Variants in PTP4A1 observed in about 807,000 individuals in gnomAD.
PTP4A1 encodes the protein protein tyrosine phosphatase type IVA 1.
In PTP4A1, 9 loss-of-function variants were observed where a neutral mutation model predicts 20.5. The ratio of observed to expected loss-of-function variants is 0.44; its 90% CI spans 0.26 to 0.77. PTP4A1 has a LOEUF of 0.77. Ranked by LOEUF, PTP4A1 falls within the 30% of genes least tolerant of loss-of-function variation. The pLI is 0.19. For synonymous variants in PTP4A1, 78 were observed against 67.4 expected, an observed-to-expected ratio of 1.16 and a Z score of -0.77; for missense variants, 137 against 218.8, an observed-to-expected ratio of 0.63 and a Z score of 2.36.
intron 1 of PTP4A1, 26 bp downstream of exon 1, chr6:63,572,745 C>G (rs1473394781): frequency 2.5e-6 from 1 of 398,314 alleles, no homozygotes; most frequent in Non-Finnish European, 4.4e-6. Flanking sequence ...ATCGTCGCCT[C>G]TCGGGCTGGG....
chr6:63,520,630 C>CAAATAAATAAATAAATAAAT (rs201294226), upstream of PTP4A1, among the ~76,000 whole-genome samples: 4 of 139,000 alleles, frequency 2.9e-5, no homozygotes, highest in African/African-American at 1.1e-4. Context: ...GACTCTGTCT[C>CAAATAAATAAATAAATAAAT]AAATAAATAA....
chr6:63,569,464 C>G (rs1777325615), upstream of PTP4A1, among the ~76,000 whole-genome samples: 2 of 152,146 alleles, frequency 1.3e-5, no homozygotes, highest in Non-Finnish European at 2.9e-5. Flanking sequence ...ACCATGTTGA[C>G]CAGGCTGGTC....
chr6:63,558,424 G>A (rs1450710204), intron 3 of PTP4A1, among the ~76,000 whole-genome samples: 1 of 152,182 alleles, frequency 6.6e-6, no homozygotes, highest in African/African-American at 2.4e-5. Context: ...GTGGTAGCCA[G>A]TCAGACAGAA....
At chr6:63,540,182 G>A (rs1775896573) in intron 2 of PTP4A1, among the ~76,000 whole-genome samples, 1 of 152,158 alleles carries the variant, frequency 6.6e-6, no homozygotes, top group Non-Finnish European at 1.5e-5. Context: ...GTTGGAGAGT[G>A]AATAAACAAA....
intron 2 of PTP4A1, among the ~76,000 whole-genome samples, chr6:63,534,767 G>A (rs141515283): frequency 1.7e-3 from 100 of 57,542 alleles, no homozygotes; most frequent in African/African-American, 6.9e-3. Context: ...GGCCAACATG[G>A]TAAAATTTCT....
chr6:63,532,352 G>A (rs1051871879), intron 2 of PTP4A1, among the ~76,000 whole-genome samples: 4 of 152,006 alleles, frequency 2.6e-5, no homozygotes, highest in Admixed American at 1.3e-4. Flanking sequence ...CCACAGTTTA[G>A]CTTCTGGATT....
At chr6:63,543,265 G>A (rs772461014) in intron 2 of PTP4A1, among the ~76,000 whole-genome samples, 1 of 152,164 alleles carries the variant, frequency 6.6e-6, no homozygotes, top group Non-Finnish European at 1.5e-5. Context: ...GGCATTCTGT[G>A]ATCATTCAGA....
intron 1 of PTP4A1, among the ~76,000 whole-genome samples, chr6:63,575,785 T>C (rs917834374): frequency 6.6e-6 from 1 of 152,128 alleles, no homozygotes; most frequent in African/African-American, 2.4e-5. Flanking sequence ...CAGAGACTCA[T>C]TTTCCTCGTC....
intron 2 of PTP4A1, among the ~76,000 whole-genome samples, chr6:63,546,897 C>G (rs781780035): frequency 6.6e-6 from 1 of 152,084 alleles, no homozygotes. Flanking sequence ...TTATGTATTT[C>G]GCAATGTGTA....
chr6:63,577,623 C>T (rs927672360), intron 2 of PTP4A1, among the ~76,000 whole-genome samples: 46 of 152,012 alleles, frequency 3.0e-4, no homozygotes, highest in Non-Finnish European at 8.8e-5. Flanking sequence ...GTGGCATGAT[C>T]TCAGCCCACT....
At chr6:63,534,597 T>C (rs1007188203) in intron 2 of PTP4A1, among the ~76,000 whole-genome samples, 1 of 151,982 alleles carries the variant, frequency 6.6e-6, no homozygotes, top group Non-Finnish European at 1.5e-5. Context: ...AGAGAATTGC[T>C]TGAGCCCAAG....
upstream of PTP4A1, chr6:63,572,104 C>T (rs1316016893): frequency 6.6e-6 from 1 of 152,296 alleles, no homozygotes; most frequent in Admixed American, 6.5e-5. Context: ...TTCAGGCAAA[C>T]TTCGAGTCTC....
Position 63,580,072 on chromosome 6 carries a change from T to A in PTP4A1, c.420T>A (p.Ala140=). 6.2e-7 allele frequency: 1 copy of A among 1,612,592 alleles called. No homozygotes were observed. Among genetic ancestry groups the A allele is most frequent in the Non-Finnish European group, 8.5e-7 (1 of 1,179,282 alleles). The change falls in exon 6 of 6, where the codon GCT becomes GCA. Residue 140 remains alanine, a synonymous_variant. Transcript: ENST00000626021. ...VQFIRQKRRG[A]FNSKQLLYLE... is the part of the protein sequence containing the mutation. The stretch of plus-strand genomic sequence containing the variant: ...TTCCTCCCAGAAAGCGGCGTGGAGC[T>A]TTTAACAGCAAGCAACTTCTGTATT...
intron 1 of PTP4A1, among the ~76,000 whole-genome samples, chr6:63,523,894 T>C (rs1170409674): frequency 1.3e-5 from 2 of 152,186 alleles, no homozygotes; most frequent in African/African-American, 4.8e-5. Context: ...CCTAGCATAA[T>C]AATGTTTTAT....
chr6:63,578,346 A>G (rs565365687), intron 2 of PTP4A1, 91 bp from the exon 3 acceptor site: 7 of 1,368,040 alleles, frequency 5.1e-6, no homozygotes, highest in African/African-American at 1.5e-5. Context: ...TAACCAGCAT[A>G]CTTACTGATC....
At chr6:63,552,130 A>G (rs1776475856) in intron 3 of PTP4A1, among the ~76,000 whole-genome samples, 1 of 152,172 alleles carries the variant, frequency 6.6e-6, no homozygotes, top group Admixed American at 6.5e-5. Flanking sequence ...TGACTTCCAC[A>G]ATGGTTGAAC....
intron 1 of PTP4A1, among the ~76,000 whole-genome samples, chr6:63,575,658 A>G (rs1453437544): frequency 2.0e-5 from 3 of 152,218 alleles, no homozygotes; most frequent in Non-Finnish European, 4.4e-5. Context: ...GTTTTAAAAT[A>G]CAAAAGAACA....
chr6:63,579,810 C>A (rs546746262), intron 5 of PTP4A1, among the ~76,000 whole-genome samples: 1 of 152,256 alleles, frequency 6.6e-6, no homozygotes, highest in East Asian at 1.9e-4. Context: ...CGTGGACTTA[C>A]GTGTAAATGG....
intron 2 of PTP4A1, among the ~76,000 whole-genome samples, chr6:63,545,258 C>A (rs1776132846): frequency 6.6e-6 from 1 of 152,222 alleles, no homozygotes; most frequent in South Asian, 2.1e-4. Flanking sequence ...CTTTTCATGT[C>A]TTTTCCTTCT....
Sources: gnomAD v4.1 joint callset for allele counts (sites outside exome capture counted in the v4.1 genomes callset) on GRCh38, gnomAD v4.1.1 for gene constraint, MANE v1.5 for transcripts, NCBI Gene and HGNC (gene_info 2026-07-23, HGNC 2026-07-21) for gene names.